WDR27: variants seen among roughly 807,000 people sequenced by gnomAD.
The protein encoded by WDR27 is WD repeat domain 27.
In WDR27, 100 loss-of-function variants were observed where a neutral mutation model predicts 114.4. That is an observed-to-expected ratio of 0.87 (90% CI 0.74 to 1.03). The LOEUF is 1.03. Ranked by LOEUF, WDR27 falls within the 50% of genes least tolerant of loss-of-function variation. WDR27 has a pLI of 0.00. For missense variants in WDR27, 1,129 were observed against 1,092.9 expected (o/e 1.03, Z -0.47); for synonymous variants, 449 against 423.1 (o/e 1.06, Z -0.75).
intron 25 of WDR27, among the ~76,000 whole-genome samples, chr6:169,535,300 T>G (rs527979421): frequency 9.2e-5 from 13 of 141,610 alleles, no homozygotes; most frequent in South Asian, 8.3e-4. Flanking sequence ...AAAAATCTAT[T>G]CAGATCCAAA....
At chr6:169,499,091 G>A (rs990385529) in intron 25 of WDR27, among the ~76,000 whole-genome samples, 11 of 152,232 alleles carry the variant, frequency 7.2e-5, no homozygotes, top group Admixed American at 7.2e-4. Context: ...ACATGGAAAC[G>A]TCCTCATGTT....
chr6:169,651,273 G>A (rs7740360), intron 14 of WDR27, among the ~76,000 whole-genome samples: 4,213 of 150,874 alleles, frequency 0.028, 159 homozygotes, highest in African/African-American at 0.083. Flanking sequence ...GGAGACAAGC[G>A]TGTGCGCTGC....
At chr6:169,434,157 T>C in the WDR27 span, among the ~76,000 whole-genome samples, 9 of 152,230 alleles carry the variant, frequency 5.9e-5, no homozygotes, top group Admixed American at 5.9e-4. Context: ...CATGAAGTCT[T>C]TGTCCATGCC....
chr6:169,486,955 C>G (rs540856199), intron 25 of WDR27, among the ~76,000 whole-genome samples: 37 of 152,168 alleles, frequency 2.4e-4, no homozygotes, highest in African/African-American at 6.5e-4. Context: ...TCTTGAGAAC[C>G]TTCATGCTTT....
At chr6:169,429,037 A>G in the WDR27 span, among the ~76,000 whole-genome samples, 36 of 152,316 alleles carry the variant, frequency 2.4e-4, no homozygotes, top group African/African-American at 8.2e-4. Flanking sequence ...AGGAAGCAGC[A>G]TCATTGGTCC....
intron 25 of WDR27, among the ~76,000 whole-genome samples, chr6:169,526,335 AGGCGCGGT>A (rs1723524154): frequency 6.6e-6 from 1 of 152,214 alleles, no homozygotes; most frequent in African/African-American, 2.4e-5. Flanking sequence ...ATCCAAGGCC[AGGCGCGGT>A]GGCTCGCACC....
intron 2 of WDR27, among the ~76,000 whole-genome samples, chr6:169,685,542 G>T (rs143017813): frequency 3.3e-5 from 5 of 152,128 alleles, no homozygotes; most frequent in South Asian, 2.1e-4. Flanking sequence ...TAGAGTTAAA[G>T]AATTCAATGA....
chr6:169,668,307 C>T, intron 4 of WDR27, 122 bp from the exon 5 acceptor site: 1 of 985,232 alleles, frequency 1.0e-6, no homozygotes, highest in Non-Finnish European at 1.5e-6. Flanking sequence ...ACAGTCTCAG[C>T]AGTGTTAAAA....
intron 23 of WDR27, among the ~76,000 whole-genome samples, chr6:169,588,855 C>T (rs1366083089): frequency 1.3e-5 from 2 of 152,198 alleles, no homozygotes; most frequent in Admixed American, 1.3e-4. Context: ...GACCAAGGTG[C>T]ATCCATATTT....
chr6:169,681,281 C>A (rs967483723), intron 2 of WDR27, among the ~76,000 whole-genome samples: 2 of 152,140 alleles, frequency 1.3e-5, no homozygotes, highest in African/African-American at 4.8e-5. Context: ...GAGTAAGTAT[C>A]GGACATCACC....
chr6:169,434,565 C>CT, the WDR27 span, among the ~76,000 whole-genome samples: 1,385 of 151,762 alleles, frequency 9.1e-3, 26 homozygotes, highest in African/African-American at 0.032. Flanking sequence ...ATTTAAAGTA[C>CT]TTTTTTTTTC....
chr6:169,655,547 G>T (rs1167858179), intron 13 of WDR27, among the ~76,000 whole-genome samples: 2 of 152,198 alleles, frequency 1.3e-5, no homozygotes, highest in South Asian at 2.1e-4. Context: ...AATCAGAAAA[G>T]AACGCACTTA....
intron 13 of WDR27, among the ~76,000 whole-genome samples, chr6:169,654,719 A>AAGGAGGTGCGCACAGG (rs1823563566): frequency 8.1e-6 from 1 of 123,458 alleles, no homozygotes; most frequent in Non-Finnish European, 1.8e-5. Flanking sequence ...CGCACAGGAG[A>AAGGAGGTGCGCACAGG]AGGAGGCGCG....
At chr6:169,637,867 A>G (rs977354842) in intron 18 of WDR27, among the ~76,000 whole-genome samples, 1 of 150,394 alleles carries the variant, frequency 6.6e-6, no homozygotes, top group African/African-American at 2.5e-5. Context: ...ATATGTGGCA[A>G]GTATGTAAGT....
chr6:169,666,585 A>G lies in WDR27; in HGVS notation c.712+551T>C, dbSNP rs1189780924. The G allele has an allele frequency of 5.1e-6, 5 of 985,412 alleles. No homozygotes were observed. In the African/African-American group the frequency reaches 8.7e-5, roughly 17 times the overall value. 61.0% of individuals were successfully genotyped at this position (985,412 alleles called of 1,614,324 possible). A position where few individuals can be genotyped will look rare whatever the true frequency, so the allele number is the denominator to read the frequency against. ...GCTGGGGCGTCACAGACCGCTCCTT[A>G]TGCCGTGCTCCGCGGACGGACGCCT... On this transcript the variant is annotated intron_variant, in intron 6 of 25. Coordinates refer to ENST00000448612, the MANE Select transcript of WDR27 (RefSeq NM_182552.5).
At chr6:169,587,340 T>G (rs1354383465) in intron 23 of WDR27, among the ~76,000 whole-genome samples, 1 of 151,260 alleles carries the variant, frequency 6.6e-6, no homozygotes, top group Non-Finnish European at 1.5e-5. Flanking sequence ...TGCCTCAGTC[T>G]CTCAAGTAGT....
chr6:169,645,051 A>G (rs1820291480), intron 16 of WDR27, among the ~76,000 whole-genome samples: 1 of 140,438 alleles, frequency 7.1e-6, no homozygotes, highest in Non-Finnish European at 1.5e-5. Context: ...AAAAAAAAAA[A>G]AAAAAAAGAA....
intron 25 of WDR27, among the ~76,000 whole-genome samples, chr6:169,493,165 GAAAGT>G (rs965863187): frequency 2.6e-5 from 4 of 151,952 alleles, no homozygotes; most frequent in Non-Finnish European, 4.4e-5. Context: ...CAGAAAGATT[GAAAGT>G]AAAGGGTTGG....
At chr6:169,485,250 T>G (rs751852933) in intron 25 of WDR27, among the ~76,000 whole-genome samples, 1 of 152,142 alleles carries the variant, frequency 6.6e-6, no homozygotes. Context: ...TAAGATAAAG[T>G]ATTTGCAAAC....
Sources: allele counts gnomAD v4.1 joint callset (sites outside exome capture counted in the v4.1 genomes callset), GRCh38; gene constraint gnomAD v4.1.1; transcripts MANE v1.5; gene names NCBI Gene and HGNC (gene_info 2026-07-23, HGNC 2026-07-21).